Variants in CLIC6 observed in about 807,000 individuals in gnomAD.
CLIC6 encodes the protein chloride intracellular channel protein 6.
A neutral mutation model predicts 49.2 loss-of-function variants in CLIC6; 39 were observed. That is an observed-to-expected ratio of 0.79 (90% CI 0.61 to 1.04). The LOEUF (loss-of-function observed/expected upper bound fraction) is 1.04. CLIC6 is among the 50% of genes least tolerant of loss of function. CLIC6 has a pLI of 0.00. For missense variants in CLIC6, 988 were observed against 993.1 expected (o/e 0.99, Z 0.07); for synonymous variants, 446 against 433.4 (o/e 1.03, Z -0.36).
At chr21:34,677,947 T>A (rs1989703828) in intron 1 of CLIC6, among the ~76,000 whole-genome samples, 2 of 152,314 alleles carry the variant, frequency 1.3e-5, no homozygotes, top group South Asian at 4.1e-4. Context: ...GAAGAATAAT[T>A]CATGACTCAT....
At chr21:34,676,442 C>T (rs1451219940) in intron 1 of CLIC6, among the ~76,000 whole-genome samples, 1 of 152,264 alleles carries the variant, frequency 6.6e-6, no homozygotes, top group African/African-American at 2.4e-5. Context: ...AGTTTACCAT[C>T]TAGCACAGAA....
intron 1 of CLIC6, among the ~76,000 whole-genome samples, chr21:34,680,083 C>G (rs1407032635): frequency 6.6e-6 from 1 of 152,254 alleles, no homozygotes; most frequent in African/African-American, 2.4e-5. Flanking sequence ...AGCAGAGGTT[C>G]TCCATGAGGG....
chr21:34,692,985 C>A (rs1990023327), intron 1 of CLIC6, among the ~76,000 whole-genome samples: 1 of 152,220 alleles, frequency 6.6e-6, no homozygotes, highest in South Asian at 2.1e-4. Flanking sequence ...TCCCCAGCCC[C>A]ACCCCTTGTT....
At chr21:34,684,599 T>C (rs1989840889) in intron 1 of CLIC6, among the ~76,000 whole-genome samples, 1 of 152,254 alleles carries the variant, frequency 6.6e-6, no homozygotes, top group African/African-American at 2.4e-5. Context: ...AAGCCAGTGA[T>C]GTCTCAGCAG....
At chr21:34,677,411 C>T (rs2145798276) in intron 1 of CLIC6, among the ~76,000 whole-genome samples, 1 of 152,302 alleles carries the variant, frequency 6.6e-6, no homozygotes, top group African/African-American at 2.4e-5. Flanking sequence ...TTGAAGAGAA[C>T]ACCATTAAGA....
chr21:34,694,954 T>G (rs1236385774), intron 1 of CLIC6, among the ~76,000 whole-genome samples: 1 of 152,258 alleles, frequency 6.6e-6, no homozygotes, highest in Non-Finnish European at 1.5e-5. Flanking sequence ...TGAACTGTGC[T>G]GGGGAAAAGT....
At chr21:34,705,899 G>C in intron 1 of CLIC6, 1 of 474,410 alleles carries the variant, frequency 2.1e-6, no homozygotes, top group Non-Finnish European at 3.8e-6. Context: ...CTGACCACTG[G>C]CATTGTATCA....
intron 1 of CLIC6, among the ~76,000 whole-genome samples, chr21:34,678,855 C>T (rs189615576): frequency 1.8e-4 from 28 of 152,220 alleles, no homozygotes; most frequent in Non-Finnish European, 2.8e-4. Flanking sequence ...AGAATTAAGT[C>T]TTCTTTCGCC....
intron 1 of CLIC6, among the ~76,000 whole-genome samples, chr21:34,673,397 C>A (rs1989604363): frequency 6.6e-6 from 1 of 152,166 alleles, no homozygotes. Context: ...TCAAGTGATT[C>A]TTGTGTCTCA....
At chr21:34,671,489 A>G (rs1339582050) in intron 1 of CLIC6, among the ~76,000 whole-genome samples, 1 of 152,218 alleles carries the variant, frequency 6.6e-6, no homozygotes, top group Non-Finnish European at 1.5e-5. Flanking sequence ...GGAAGAGAGC[A>G]AGGATTCTGT....
At chr21:34,710,705 T>TG (rs983194887) in intron 5 of CLIC6, among the ~76,000 whole-genome samples, 21 of 151,938 alleles carry the variant, frequency 1.4e-4, no homozygotes, top group African/African-American at 4.1e-4. Flanking sequence ...CCCAGCTACC[T>TG]GGGGGGCTGA....
intron 1 of CLIC6, among the ~76,000 whole-genome samples, chr21:34,704,337 T>C (rs1399079880): frequency 6.6e-6 from 1 of 152,192 alleles, no homozygotes; most frequent in African/African-American, 2.4e-5. Context: ...AGGCAGCAAG[T>C]CATCCCAGTC....
At position 34,686,837 on chromosome 21, in the gene CLIC6, C is replaced by T. The variant is rs1169116391; in HGVS notation, c.1374+16075C>T. On this transcript the variant is annotated intron_variant, in intron 1 of 5. Transcript: ENST00000349499. Reference sequence around the variant, plus strand: ...CACATGTGTGAAGCTGTCTTGGCCCCCTCAGACCAGACCATCCACAAGACA... The same window carrying T: ...CACATGTGTGAAGCTGTCTTGGCCCTCTCAGACCAGACCATCCACAAGACA... 2.0e-5 allele frequency among the ~76,000 whole-genome samples: 3 copies of T among 152,126 alleles called. No homozygotes were observed. In the East Asian group the frequency reaches 5.8e-4, roughly 29 times the overall value.
chr21:34,694,135 A>ATTTTTTTTTTTTT (rs57210806), intron 1 of CLIC6, among the ~76,000 whole-genome samples: 49 of 128,410 alleles, frequency 3.8e-4, no homozygotes, highest in African/African-American at 1.3e-3. Flanking sequence ...CGCCTGGTTA[A>ATTTTTTTTTTTTT]TTTTTTTTTT....
At chr21:34,682,663 G>A (rs559451018) in intron 1 of CLIC6, among the ~76,000 whole-genome samples, 1 of 152,134 alleles carries the variant, frequency 6.6e-6, no homozygotes, top group South Asian at 2.1e-4. Flanking sequence ...GCATGGGAAA[G>A]CAAAGTGTGG....
chr21:34,708,584 G>A lies in CLIC6; in HGVS notation c.1611-116G>A, dbSNP rs1451026632. 8.2e-5 allele frequency: 59 copies of A among 721,278 alleles called. No homozygotes were observed. In the South Asian group the frequency reaches 8.6e-4, roughly 11 times the overall value. The allele number at this position is 721,278 out of a possible 1,614,324, so 44.7% of individuals were successfully genotyped here. On this transcript the variant is annotated intron_variant, in intron 3 of 5. Coordinates refer to ENST00000349499, the MANE Select transcript of CLIC6 (RefSeq NM_053277.3). ...TTGAGAGGAAAAGGGTCAGGAAAACGTTGAAGGAAAGCTTTTCATTTTTAT... is the reference window on the plus strand; with the variant it reads ...TTGAGAGGAAAAGGGTCAGGAAAACATTGAAGGAAAGCTTTTCATTTTTAT...
Position 34,707,303 on chromosome 21 carries a change from C to T in CLIC6, c.1398C>T (p.Ile466=), listed in dbSNP as rs749912710. Residue 466 remains isoleucine, a synonymous_variant, in exon 2 of 6, where the codon ATC becomes ATT. Coordinates refer to ENST00000349499, the MANE Select transcript of CLIC6 (RefSeq NM_053277.3). ...AGGCTGGTTATGATGGTGAGAGTAT[C>T]GGAAATTGCCCGTTTTCTCAGCGTC... ...FVKAGYDGES[I]GNCPFSQRLF... 95 of 1,613,728 alleles carry T rather than the reference C, an allele frequency of 5.9e-5. No homozygotes were observed. The highest frequency in any genetic ancestry group is 6.8e-5 in the Non-Finnish European group (80 of 1,179,800).
At chr21:34,691,962 A>AT (rs999927808) in intron 1 of CLIC6, among the ~76,000 whole-genome samples, 1 of 152,102 alleles carries the variant, frequency 6.6e-6, no homozygotes. Context: ...TTAGGTTGCT[A>AT]TTTTTTTCAG....
At chr21:34,690,703 A>G (rs1467475149) in intron 1 of CLIC6, among the ~76,000 whole-genome samples, 1 of 152,006 alleles carries the variant, frequency 6.6e-6, no homozygotes, top group Non-Finnish European at 1.5e-5. Context: ...CCCTTTGAAA[A>G]CAGGAGCCTT....
Sources: allele counts gnomAD v4.1 joint callset (sites outside exome capture counted in the v4.1 genomes callset), GRCh38; gene constraint gnomAD v4.1.1; transcripts MANE v1.5; gene names NCBI Gene and HGNC (gene_info 2026-07-23, HGNC 2026-07-21).